The following PLA2G3 variants were observed in gnomAD, a reference collection of about 807,000 sequenced individuals.
The protein encoded by PLA2G3 is phospholipase A2 group III.
PLA2G3 carries 39 observed loss-of-function variants against 51.3 expected under a neutral mutation model. The observed-to-expected ratio is 0.76, with a 90% CI of 0.59 to 0.99. The LOEUF (loss-of-function observed/expected upper bound fraction) is 0.99, where lower values mean the gene tolerates loss of function less well. Among genes scored for constraint, PLA2G3 ranks in the 50% least tolerant of loss-of-function variants. The pLI, the probability that PLA2G3 is intolerant of heterozygous loss-of-function variation, is 0.00. For missense variants in PLA2G3, 677 were observed against 662.1 expected, an observed-to-expected ratio of 1.02 and a Z score of -0.25; for synonymous variants, 293 against 263.1, an observed-to-expected ratio of 1.11 and a Z score of -1.10.
At position 31,135,757 on chromosome 22, in the gene PLA2G3, C is replaced by G. The variant is rs755322903; in HGVS notation, c.1496G>C (p.Arg499Thr). 6.8e-6 allele frequency: 11 copies of G among 1,613,958 alleles called. No homozygotes were observed. The highest frequency in any genetic ancestry group is 6.8e-6 in the Non-Finnish European group (8 of 1,180,014). The change falls in exon 7 of 7, where the codon AGA becomes ACA. Residue 499 changes from arginine to threonine, a missense_variant. Coordinates refer to ENST00000215885, the MANE Select transcript of PLA2G3 (RefSeq NM_015715.5). ...QCLQLTQAARRPDRQQKSWSQ is the reference protein window; with the variant it reads ...QCLQLTQAARTPDRQQKSWSQ Reference sequence around the variant, plus strand: ...CCAGGACTTCTGCTGCCTGTCGGGTCTCCTGGCTGCCTGGGTTAGCTGCAG... The same window carrying G: ...CCAGGACTTCTGCTGCCTGTCGGGTGTCCTGGCTGCCTGGGTTAGCTGCAG...
In PLA2G3 at chr22:31,140,031, C is replaced by T. The variant is rs1257330741; in HGVS notation, c.324G>A (p.Leu108=). Residue 108 remains leucine, a synonymous_variant, in exon 1 of 7, where the codon CTG becomes CTA. Coordinates refer to ENST00000215885, the MANE Select transcript of PLA2G3 (RefSeq NM_015715.5). ...HTPGPELQRA[L]ATLQSQWEAC... The stretch of plus-strand genomic sequence containing the variant: ...CCTCCCACTGACTCTGAAGAGTGGC[C>T]AGTGCTCTCTGCAGCTCGGGTCCGG... The T allele has an allele frequency of 6.2e-7, 1 of 1,613,652 alleles. No individual in the cohort carries two copies. Among genetic ancestry groups the T allele is most frequent in the Non-Finnish European group, 8.5e-7 (1 of 1,180,048 alleles).
rs542740313 is a variant in PLA2G3 at position 31,135,558 on chromosome 22, G to A, written c.*165C>T. The A allele has an allele frequency of 4.8e-6, 3 of 625,582 alleles. No homozygotes were observed. The African/African-American group carries it at 5.5e-5, about 11-fold the overall frequency. The allele number at this position is 625,582 out of a possible 1,614,324, so 38.8% of individuals were successfully genotyped here. On this transcript the variant is annotated 3_prime_UTR_variant, in exon 7 of 7. Coordinates refer to ENST00000215885, the MANE Select transcript of PLA2G3 (RefSeq NM_015715.5). ...GGTTACCCAGAACAGCAGGAGATGT[G>A]GTCCAGCATTTGGGCCTTGAGATCC...
chr22:31,137,948 C>T lies in PLA2G3; in HGVS notation c.828G>A (p.Arg276=), dbSNP rs1269698611. 1 of 1,604,844 alleles carries T rather than the reference C, an allele frequency of 6.2e-7. No individual in the cohort carries two copies. The highest frequency in any genetic ancestry group is 1.1e-5 in the South Asian group (1 of 89,952). The stretch of plus-strand genomic sequence containing the variant: ...AGCTCCAGGAGGCATTGTAGAAGGT[C>T]CTGGGCTGCAGGCGAGCGAGGGGCA... The part of the protein sequence containing the change: ...GTVPLARLQP[R]TFYNASWSSR... The change falls in exon 4 of 7, where the codon AGG becomes AGA. Residue 276 remains arginine, a synonymous_variant. Coordinates refer to ENST00000215885, the MANE Select transcript of PLA2G3 (RefSeq NM_015715.5).
chr22:31,136,626 T>C, intron 6 of PLA2G3, 57 bp downstream of exon 6: 4 of 1,421,162 alleles, frequency 2.8e-6, no homozygotes, highest in Admixed American at 3.4e-5. Context: ...AAAGTGGGTA[T>C]AGGCAACCCA....
chr22:31,137,889 C>A lies in PLA2G3; in HGVS notation c.887G>T (p.Ser296Ile), dbSNP rs1922677622. Reference sequence around the variant, plus strand: ...CTGTCGAGGCTTGGGAGGGGCTGGGCTCCGGGAGCTGGGAGTTGGGGAGGT... The same window carrying A: ...CTGTCGAGGCTTGGGAGGGGCTGGGATCCGGGAGCTGGGAGTTGGGGAGGT... The part of the protein sequence containing the change: ...RATSPTPSSR[S>I]PAPPKPRQKQ... The change falls in exon 4 of 7, where the codon AGC (serine) becomes ATC (isoleucine). Residue 296 changes from serine (S) to isoleucine (I), a missense_variant. Ser to Ile is a moderately radical substitution (Grantham distance 142). Coordinates refer to ENST00000215885, the MANE Select transcript of PLA2G3 (RefSeq NM_015715.5). 1 of 1,613,612 alleles carries A rather than the reference C, an allele frequency of 6.2e-7. No individual in the cohort carries two copies. The highest frequency in any genetic ancestry group is 1.1e-5 in the South Asian group (1 of 91,078).
At position 31,135,801 on chromosome 22, in the gene PLA2G3, C is replaced by T. The variant is rs760555238; in HGVS notation, c.1452G>A (p.Met484Ile). 3 of 1,614,058 alleles carry T rather than the reference C, an allele frequency of 1.9e-6. No homozygotes were observed. Among genetic ancestry groups the T allele is most frequent in the Non-Finnish European group, 2.5e-6 (3 of 1,180,038 alleles). Residue 484 changes from methionine to isoleucine, a missense_variant, in exon 7 of 7, where the codon ATG becomes ATA. Transcript: ENST00000215885. ...PWPSEPLRGP[M>I]SFYNQCLQLT... is the part of the protein sequence containing the mutation. The stretch of plus-strand genomic sequence containing the variant: ...GCTGCAGGCACTGGTTGTAGAATGA[C>T]ATGGGGCCTCTCAGGGGCTCTGAAG...
At chr22:31,138,102 G>T in intron 3 of PLA2G3, 109 bp from the exon 4 acceptor site, 1 of 1,357,684 alleles carries the variant, frequency 7.4e-7, no homozygotes, top group Non-Finnish European at 9.9e-7. Flanking sequence ...CCCCCATCCC[G>T]CTGGGTTGTG....
Position 31,138,313 on chromosome 22 carries a change from C to T in PLA2G3, c.745G>A (p.Glu249Lys). ...VLEIPCFVLE[E>K]QEACVAWYWW... Reference sequence around the variant, plus strand: ...TACCACGCCACACACGCCTCCTGCTCCTCCAGCACAAAGCAGGGGATCTCC... The same window carrying T: ...TACCACGCCACACACGCCTCCTGCTTCTCCAGCACAAAGCAGGGGATCTCC... The change falls in exon 3 of 7, where the codon GAG (glutamate) becomes AAG (lysine). Residue 249 changes from glutamate (E) to lysine (K), a missense_variant. Physicochemically the swap from Glu to Lys is moderately conservative, Grantham distance 56. Transcript: ENST00000215885. The T allele has an allele frequency of 6.2e-7, 1 of 1,613,896 alleles. No individual in the cohort carries two copies.
chr22:31,138,567 T>G, intron 2 of PLA2G3, 100 bp downstream of exon 2: 3 of 1,533,014 alleles, frequency 2.0e-6, no homozygotes, highest in Non-Finnish European at 2.7e-6. Context: ...CCAAGCTGGC[T>G]GAGCTTTAAG....
chr22:31,138,212 C>A, intron 3 of PLA2G3, 64 bp downstream of exon 3: 1 of 1,571,788 alleles, frequency 6.4e-7, no homozygotes, highest in Admixed American at 1.7e-5. Context: ...AGCTCTCCCT[C>A]ACCAGGCTTG....
chr22:31,137,962 G>A lies in PLA2G3; in HGVS notation c.814C>T (p.Arg272Cys), dbSNP rs145614024. The A allele has an allele frequency of 2.7e-4, 429 of 1,593,120 alleles. No homozygotes were observed. The highest frequency in any genetic ancestry group is 3.2e-4 in the Non-Finnish European group (380 of 1,170,866). The change falls in exon 4 of 7, where the codon CGC becomes TGC. Residue 272 changes from arginine (R) to cysteine (C), a missense_variant. By Grantham distance (180) the Arg-to-Cys change is radical. Transcript: ENST00000215885. ...CRMYGTVPLA[R>C]LQPRTFYNAS... ...TTGTAGAAGGTCCTGGGCTGCAGGC[G>A]AGCGAGGGGCACTGTGCCGTACATC... is the stretch of plus-strand genomic sequence containing the variant.
chr22:31,135,766 G>T lies in PLA2G3; in HGVS notation c.1487C>A (p.Ala496Glu), dbSNP rs1922520580. The T allele has an allele frequency of 6.2e-7, 1 of 1,613,912 alleles. No homozygotes were observed. Among genetic ancestry groups the T allele is most frequent in the South Asian group, 1.1e-5 (1 of 91,084 alleles). ...CTGCTGCCTGTCGGGTCTCCTGGCT[G>T]CCTGGGTTAGCTGCAGGCACTGGTT... ...FYNQCLQLTQ[A>E]ARRPDRQQKS... is the part of the protein sequence containing the mutation. The change falls in exon 7 of 7, where the codon GCA (alanine) becomes GAA (glutamate). Residue 496 changes from alanine to glutamate, a missense_variant. By Grantham distance (107) the Ala-to-Glu change is moderately radical. Coordinates refer to ENST00000215885, the MANE Select transcript of PLA2G3 (RefSeq NM_015715.5).
chr22:31,138,524 C>A lies in PLA2G3; in HGVS notation c.648-114G>T, dbSNP rs988127393. 11 of 1,504,830 alleles carry A rather than the reference C, an allele frequency of 7.3e-6. No homozygotes were observed. In the East Asian group the frequency reaches 2.5e-4, roughly 34 times the overall value. The allele number at this position is 1,504,830 out of a possible 1,614,324, so 93.2% of individuals were successfully genotyped here. A position where few individuals can be genotyped will look rare whatever the true frequency, so the allele number is the denominator to read the frequency against. ...TTTGGGGTCCAAGCATCCCTTCTTT[C>A]TGGCCTCAGCTTTCCTACCTGCACT... On this transcript the variant is annotated intron_variant, in intron 2 of 6. Transcript: ENST00000215885.
At position 31,138,684 on chromosome 22, in the gene PLA2G3, G is replaced by T. The variant is rs774466438; in HGVS notation, c.630C>A (p.His210Gln). Residue 210 changes from histidine to glutamine, a missense_variant, in exon 2 of 7, where the codon CAC becomes CAA. Physicochemically the swap from His to Gln is conservative, Grantham distance 24. Transcript: ENST00000215885. ...IRNYRFHTISHCDCDTRFQQC... is the reference protein window; with the variant it reads ...IRNYRFHTISQCDCDTRFQQC... Reference sequence around the variant, plus strand: ...CCACCAACCTGGTGTCACAGTCACAGTGGGAGATGGTGTGGAATCGGTAGT... The same window carrying T: ...CCACCAACCTGGTGTCACAGTCACATTGGGAGATGGTGTGGAATCGGTAGT... 1.1e-5 allele frequency: 17 copies of T among 1,614,192 alleles called. No individual in the cohort carries two copies. The highest frequency in any genetic ancestry group is 1.4e-5 in the Non-Finnish European group (17 of 1,180,018).
chr22:31,140,339 C>T lies in PLA2G3; in HGVS notation c.16G>A (p.Gly6Arg), dbSNP rs1922830623. Residue 6 changes from glycine to arginine, a missense_variant, in exon 1 of 7, where the codon GGG becomes AGG. Transcript: ENST00000215885. ...AGGAAGCCCAGCATCCCAAACAGCC[C>T]TGCCTGAACCCCCATTCTGCACTGG... is the stretch of plus-strand genomic sequence containing the variant. MGVQA[G>R]LFGMLGFLGV... 6.2e-7 allele frequency: 1 copy of T among 1,600,112 alleles called. No individual in the cohort carries two copies.
rs763720273 is a variant in PLA2G3 at position 31,138,764 on chromosome 22, G to A, written c.550C>T (p.His184Tyr). ...FQGPDLCCRE[H>Y]DRCPQNISPL... ...GAGATGTTCTGTGGGCAGCGGTCAT[G>A]TTCCCGGCAACAGAGATCAGGTCCC... The change falls in exon 2 of 7, where the codon CAT becomes TAT. Residue 184 changes from histidine to tyrosine, a missense_variant. By Grantham distance (83) the His-to-Tyr change is moderately conservative (BLOSUM62 2). Coordinates refer to ENST00000215885, the MANE Select transcript of PLA2G3 (RefSeq NM_015715.5). 1.4e-5 allele frequency: 23 copies of A among 1,614,116 alleles called. No homozygotes were observed. The highest frequency in any genetic ancestry group is 1.8e-5 in the Non-Finnish European group (21 of 1,179,986).
At position 31,135,833 on chromosome 22, in the gene PLA2G3, G is replaced by T; in HGVS notation, c.1420C>A (p.Pro474Thr). 6.2e-7 allele frequency: 1 copy of T among 1,613,916 alleles called. No homozygotes were observed. The highest frequency in any genetic ancestry group is 1.7e-5 in the Admixed American group (1 of 60,034). ...LQDKGTDERQ[P>T]WPSEPLRGPM... The stretch of plus-strand genomic sequence containing the variant: ...CCTCTCAGGGGCTCTGAAGGCCATG[G>T]CTGCCTCTCATCTGTGCCTTTATCC... Residue 474 changes from proline to threonine, a missense_variant, in exon 7 of 7, where the codon CCA becomes ACA. Physicochemically the swap from Pro to Thr is conservative, Grantham distance 38. Transcript: ENST00000215885.
chr22:31,136,830 A>G, intron 5 of PLA2G3, 31 bp from the exon 6 acceptor site: 1 of 1,603,436 alleles, frequency 6.2e-7, no homozygotes, highest in Non-Finnish European at 8.5e-7. Context: ...AGGCCGGGGC[A>G]GGGCCTTGCC....
chr22:31,138,530 T>C, intron 2 of PLA2G3, 120 bp from the exon 3 acceptor site: 1 of 1,498,972 alleles, frequency 6.7e-7, no homozygotes, highest in Non-Finnish European at 9.2e-7. Flanking sequence ...CTTTCTGGCC[T>C]CAGCTTTCCT....
Sources: allele counts gnomAD v4.1 joint callset, GRCh38; gene constraint gnomAD v4.1.1; transcripts MANE v1.5; gene names NCBI Gene and HGNC (gene_info 2026-07-23, HGNC 2026-07-21).